The following PPP1R36 variants were observed in gnomAD, a reference collection of about 807,000 sequenced individuals.
PPP1R36 encodes the protein protein phosphatase 1 regulatory subunit 36.
In PPP1R36, 47 loss-of-function variants were observed where a neutral mutation model predicts 53.4. That is an observed-to-expected ratio of 0.88 (90% confidence interval 0.70 to 1.12). PPP1R36 has a LOEUF of 1.12. Among genes scored for constraint, PPP1R36 ranks in the 50% most tolerant of loss-of-function variants. PPP1R36 has a pLI of 0.00. For missense variants in PPP1R36, 456 were observed against 513.9 expected, an observed-to-expected ratio of 0.89 and a Z score of 1.09; for synonymous variants, 153 against 170.5, an observed-to-expected ratio of 0.90 and a Z score of 0.80.
chr14:64,569,683 C>T (rs936823968), intron 7 of PPP1R36, among the ~76,000 whole-genome samples: 1 of 151,922 alleles, frequency 6.6e-6, no homozygotes, highest in East Asian at 1.9e-4. Context: ...TATCGTATTT[C>T]CTCTTCTGAG....
chr14:64,572,709 G>A (rs747865678), intron 7 of PPP1R36, among the ~76,000 whole-genome samples: 2 of 152,226 alleles, frequency 1.3e-5, no homozygotes, highest in African/African-American at 2.4e-5. Flanking sequence ...TATCCCCAGT[G>A]ATTCTTTCAT....
At chr14:64,587,742 G>A (rs1285291957) in intron 10 of PPP1R36, among the ~76,000 whole-genome samples, 5 of 151,248 alleles carry the variant, frequency 3.3e-5, no homozygotes, top group South Asian at 2.1e-4. Context: ...GATTACAGGC[G>A]TGAGCCACCA....
intron 7 of PPP1R36, among the ~76,000 whole-genome samples, chr14:64,571,301 A>G (rs1051799982): frequency 6.6e-6 from 1 of 151,846 alleles, no homozygotes; most frequent in African/African-American, 2.4e-5. Context: ...AATTTTTTAT[A>G]TTTTTGGTAG....
intron 5 of PPP1R36, 48 bp downstream of exon 5, chr14:64,565,502 C>G (rs775321064): frequency 6.9e-7 from 1 of 1,458,146 alleles, no homozygotes; most frequent in African/African-American, 1.4e-5. Flanking sequence ...TCTGTACATA[C>G]ATACACATAT....
At chr14:64,573,596 G>A (rs1001553329) in intron 7 of PPP1R36, among the ~76,000 whole-genome samples, 2 of 151,916 alleles carry the variant, frequency 1.3e-5, no homozygotes, top group African/African-American at 4.8e-5. Flanking sequence ...TAAAATTGAG[G>A]ATACATAACA....
intron 3 of PPP1R36, among the ~76,000 whole-genome samples, chr14:64,556,649 C>T (rs569781411): frequency 1.3e-3 from 197 of 146,072 alleles, no homozygotes; most frequent in African/African-American, 4.8e-3. Context: ...TGGTATGCGC[C>T]TGTAGTCCCA....
intron 10 of PPP1R36, among the ~76,000 whole-genome samples, chr14:64,587,651 G>A (rs557302465): frequency 5.6e-4 from 84 of 151,328 alleles, no homozygotes; most frequent in Admixed American, 1.5e-3. Flanking sequence ...TAGTAGAGAC[G>A]GAGTTTCACC....
chr14:64,588,384 T>C, intron 11 of PPP1R36, 89 bp downstream of exon 11: 1 of 1,180,546 alleles, frequency 8.5e-7, no homozygotes, highest in Non-Finnish European at 1.2e-6. Flanking sequence ...ACCATGCCTC[T>C]GCCAGGGAAT....
At chr14:64,580,431 T>C (rs2080379525) in intron 8 of PPP1R36, among the ~76,000 whole-genome samples, 1 of 152,252 alleles carries the variant, frequency 6.6e-6, no homozygotes, top group South Asian at 2.1e-4. Flanking sequence ...ATTTATAATA[T>C]TTTTTAGTTC....
At chr14:64,553,731 G>T (rs769185341) in intron 3 of PPP1R36, among the ~76,000 whole-genome samples, 78 of 150,838 alleles carry the variant, frequency 5.2e-4, no homozygotes, top group Non-Finnish European at 9.7e-4. Flanking sequence ...ATGTTGATCT[G>T]GGTGGTAGCT....
chr14:64,552,502 T>C (rs888410371), intron 2 of PPP1R36, among the ~76,000 whole-genome samples: 11 of 151,856 alleles, frequency 7.2e-5, no homozygotes, highest in African/African-American at 2.7e-4. Flanking sequence ...AATAAATAAA[T>C]AAATAACATG....
At chr14:64,550,344 A>T in intron 1 of PPP1R36, 1 of 1,173,346 alleles carries the variant, frequency 8.5e-7, no homozygotes, top group Non-Finnish European at 1.1e-6. Context: ...GTTGCAAAAT[A>T]GGGAGACCTA....
chr14:64,552,844 C>G lies in PPP1R36; in HGVS notation c.165C>G (p.Leu55=). ...CCGCAGAAGATTCTGTCCAGTGGCT[C>G]CTGAAACATCACCCTCAGTGAGTGT... The part of the protein sequence containing the change: ...RFAAEDSVQW[L]LKHHPHFTPA... Residue 55 remains leucine (L), a synonymous_variant, in exon 3 of 12, where the codon CTC becomes CTG. Transcript: ENST00000298705. 1 of 1,613,804 alleles carries G rather than the reference C, an allele frequency of 6.2e-7. No individual in the cohort carries two copies. Among genetic ancestry groups the G allele is most frequent in the Non-Finnish European group, 8.5e-7 (1 of 1,179,760 alleles).
At chr14:64,561,890 C>G in intron 3 of PPP1R36, 1 of 453,130 alleles carries the variant, frequency 2.2e-6, no homozygotes, top group Non-Finnish European at 4.4e-6. Context: ...CCTACTCTTT[C>G]GTCATGGCCT....
intron 7 of PPP1R36, among the ~76,000 whole-genome samples, chr14:64,573,913 CAAAAAAAAAAAAAAAAA>C (rs35427371): frequency 3.1e-5 from 1 of 32,520 alleles, no homozygotes; most frequent in Non-Finnish European, 4.9e-5. Context: ...GACTCTGTCT[CAAAAAAAAAAAAAAAAA>C]AAAAAAAAAA....
intron 3 of PPP1R36, among the ~76,000 whole-genome samples, chr14:64,557,123 T>C (rs992909672): frequency 1.3e-5 from 2 of 152,140 alleles, no homozygotes; most frequent in Middle Eastern, 3.2e-3. Flanking sequence ...TGAGCCACCA[T>C]GCCTGGCCCA....
chr14:64,584,419 T>C (rs748152395), intron 8 of PPP1R36, among the ~76,000 whole-genome samples: 23 of 152,152 alleles, frequency 1.5e-4, no homozygotes, highest in Non-Finnish European at 2.8e-4. Context: ...CAGGTGTTCA[T>C]GGTCTCTGGT....
chr14:64,568,339 C>G lies in PPP1R36; in HGVS notation c.435-10C>G, dbSNP rs1297969508. 2.4e-6 allele frequency: 3 copies of G among 1,248,420 alleles called. No homozygotes were observed. Among genetic ancestry groups the G allele is most frequent in the Non-Finnish European group, 2.3e-6 (2 of 888,630 alleles). 77.3% of individuals were successfully genotyped at this position (1,248,420 alleles called of 1,614,324 possible). ...TGACTCTTTTTTTGTTGTTTCAAAT[C>G]TCCCCATAGGAATAAGAATCTTGAT... is the stretch of plus-strand genomic sequence containing the variant. On this transcript the variant is annotated splice_polypyrimidine_tract_variant and intron_variant, in intron 6 of 11. Transcript: ENST00000298705.
chr14:64,587,500 G>A lies in PPP1R36; in HGVS notation c.890+128G>A, dbSNP rs1039101162. On this transcript the variant is annotated intron_variant, in intron 10 of 11. Coordinates refer to ENST00000298705, the MANE Select transcript of PPP1R36 (RefSeq NM_172365.3). ...TTTTGAGACAGAGTCTTGCTCTATT[G>A]CTGAGGCTGGAGTGCAGTGGCACAA... The A allele has an allele frequency of 1.9e-4, 95 of 498,572 alleles. 1 individual carries two copies. Among genetic ancestry groups the A allele is most frequent in the Non-Finnish European group, 2.6e-5 (9 of 343,166 alleles). 30.9% of individuals were successfully genotyped at this position (498,572 alleles called of 1,614,324 possible). A position where few individuals can be genotyped will look rare whatever the true frequency, so the allele number is the denominator to read the frequency against.
Sources: allele counts gnomAD v4.1 joint callset (sites outside exome capture counted in the v4.1 genomes callset), GRCh38; gene constraint gnomAD v4.1.1; transcripts MANE v1.5; gene names NCBI Gene and HGNC (gene_info 2026-07-23, HGNC 2026-07-21).